The following UNC13C variants were observed in gnomAD, a reference collection of about 807,000 sequenced individuals.
UNC13C encodes unc-13 homolog C.
In UNC13C, 174 loss-of-function variants were observed where a neutral mutation model predicts 245.4. That is an observed-to-expected ratio of 0.71 (90% confidence interval 0.63 to 0.80). The LOEUF (loss-of-function observed/expected upper bound fraction) is 0.80, where lower values mean the gene tolerates loss of function less well. Ranked by LOEUF, UNC13C falls within the 30% of genes least tolerant of loss-of-function variation. The probability of loss-of-function intolerance (pLI) is 0.00; values close to 1 mark genes in which losing one functional copy is unlikely to be tolerated. For missense variants in UNC13C, 2,829 were observed against 2,602.9 expected, an observed-to-expected ratio of 1.09 and a Z score of -1.89; for synonymous variants, 992 against 895.1, an observed-to-expected ratio of 1.11 and a Z score of -1.93.
intron 2 of UNC13C, among the ~76,000 whole-genome samples, chr15:54,092,306 T>C (rs1186315928): frequency 6.6e-6 from 1 of 152,190 alleles, no homozygotes; most frequent in Non-Finnish European, 1.5e-5. Context: ...AATTTTGAGT[T>C]TGTTTTTGGG....
chr15:54,536,643 A>G (rs1303195815), intron 26 of UNC13C, among the ~76,000 whole-genome samples: 1 of 152,056 alleles, frequency 6.6e-6, no homozygotes, highest in Non-Finnish European at 1.5e-5. Flanking sequence ...ATTATCATGT[A>G]GGATTTATTC....
chr15:54,347,949 T>C (rs1035124215), intron 17 of UNC13C, among the ~76,000 whole-genome samples: 1 of 152,032 alleles, frequency 6.6e-6, no homozygotes, highest in Non-Finnish European at 1.5e-5. Context: ...TCTTTATCTC[T>C]ATCAACCTGT....
At chr15:54,106,477 A>G (rs1244476053) in intron 2 of UNC13C, among the ~76,000 whole-genome samples, 1 of 152,230 alleles carries the variant, frequency 6.6e-6, no homozygotes, top group Non-Finnish European at 1.5e-5. Context: ...TTGAGAGGTT[A>G]CACAAAATGA....
chr15:54,510,134 G>A (rs1894668751), intron 23 of UNC13C, among the ~76,000 whole-genome samples: 2 of 152,102 alleles, frequency 1.3e-5, no homozygotes, highest in Admixed American at 6.6e-5. Flanking sequence ...AATCTAAGAA[G>A]AGTCTATCAA....
intron 19 of UNC13C, among the ~76,000 whole-genome samples, chr15:54,436,220 G>A (rs1308505965): frequency 6.6e-6 from 1 of 151,868 alleles, no homozygotes; most frequent in African/African-American, 2.4e-5. Context: ...ATTGTTTCAT[G>A]ACTAAAATAT....
chr15:53,894,277 T>A, the UNC13C span, among the ~76,000 whole-genome samples: 10 of 152,228 alleles, frequency 6.6e-5, no homozygotes, highest in Non-Finnish European at 1.0e-4. Context: ...CTGGAGCTGT[T>A]CCTATTTGGC....
At position 54,484,093 on chromosome 15, in the gene UNC13C, AC is replaced by A. The variant is rs397950490; in HGVS notation, c.4934-10513del. 2.0e-5 allele frequency among the ~76,000 whole-genome samples: 3 copies of A among 148,856 alleles called. No homozygotes were observed. In the South Asian group the frequency reaches 6.5e-4, roughly 32 times the overall value. Reference sequence around the variant, plus strand: ...ACTCTGGCTTCCCTGAAAAAAAAAAACCAGCATCTAGGAAGCTGATGATTAG... The same window carrying A: ...ACTCTGGCTTCCCTGAAAAAAAAAAACAGCATCTAGGAAGCTGATGATTAG... On this transcript the variant is annotated intron_variant, in intron 19 of 32. Transcript: ENST00000260323.
At chr15:54,320,421 T>C (rs78314874) in intron 13 of UNC13C, among the ~76,000 whole-genome samples, 4,983 of 151,142 alleles carry the variant, frequency 0.033, 295 homozygotes, top group African/African-American at 0.12. Flanking sequence ...TTCCGCATCA[T>C]GATCAAACTA....
In UNC13C at chr15:54,046,815, C is replaced by T. The variant is rs180749871; in HGVS notation, c.2983+30929C>T. Reference sequence around the variant, plus strand: ...TTCATAAACTGAGTACAAGTACACTCTTGTACCCAGTATCTGGGTCAAGAG... The same window carrying T: ...TTCATAAACTGAGTACAAGTACACTTTTGTACCCAGTATCTGGGTCAAGAG... On this transcript the variant is annotated intron_variant, in intron 2 of 32. Coordinates refer to ENST00000260323, the MANE Select transcript of UNC13C (RefSeq NM_001080534.3). Among the ~76,000 whole-genome samples the T allele has an allele frequency of 2.3e-3, 355 of 151,936 alleles. 1 individual carries two copies. Among genetic ancestry groups the T allele is most frequent in the Non-Finnish European group, 3.8e-3 (259 of 67,898 alleles).
intron 2 of UNC13C, among the ~76,000 whole-genome samples, chr15:54,072,935 G>C (rs942121382): frequency 6.6e-6 from 1 of 151,798 alleles, no homozygotes; most frequent in Admixed American, 6.6e-5. Context: ...AGAACATGTA[G>C]GTTTGTTACG....
chr15:54,509,519 G>A (rs765551093), intron 23 of UNC13C, among the ~76,000 whole-genome samples: 1 of 151,932 alleles, frequency 6.6e-6, no homozygotes, highest in Admixed American at 6.6e-5. Context: ...TCCTAACTTT[G>A]TTCCAGATTG....
chr15:54,431,096 TA>T (rs2040862813), intron 19 of UNC13C, among the ~76,000 whole-genome samples: 1 of 151,744 alleles, frequency 6.6e-6, no homozygotes, highest in Admixed American at 6.6e-5. Context: ...TCAGAATAAT[TA>T]TTGCTGACGG....
chr15:54,253,630 T>C (rs1198172493), intron 8 of UNC13C, among the ~76,000 whole-genome samples: 2 of 152,202 alleles, frequency 1.3e-5, no homozygotes, highest in East Asian at 3.8e-4. Flanking sequence ...TGAAATAATT[T>C]AATTATAATA....
Position 54,500,797 on chromosome 15 carries a change from T to G in UNC13C, c.5158-38T>G, listed in dbSNP as rs531332496. 4 of 1,598,392 alleles carry G rather than the reference T, an allele frequency of 2.5e-6. No individual in the cohort carries two copies. In the African/African-American group the frequency reaches 4.0e-5, roughly 16 times the overall value. Reference sequence around the variant, plus strand: ...GAAGATTTTTCCATTCCGCCTCTAATGTACTGTTTGGGATGGTTTCACCTC... The same window carrying G: ...GAAGATTTTTCCATTCCGCCTCTAAGGTACTGTTTGGGATGGTTTCACCTC... On this transcript the variant is annotated intron_variant, in intron 21 of 32. Transcript: ENST00000260323.
intron 14 of UNC13C, among the ~76,000 whole-genome samples, chr15:54,325,441 AGG>A (rs1023720086): frequency 1.3e-4 from 20 of 152,024 alleles, no homozygotes; most frequent in African/African-American, 4.3e-4. Flanking sequence ...TTTAAGTTCC[AGG>A]GTACATGTGC....
At chr15:54,578,295 G>A (rs1311307862) in intron 30 of UNC13C, among the ~76,000 whole-genome samples, 2 of 151,914 alleles carry the variant, frequency 1.3e-5, no homozygotes, top group African/African-American at 4.8e-5. Flanking sequence ...TGTACTTCTA[G>A]TGTTTCTTTC....
chr15:54,268,353 A>C (rs890124184), intron 10 of UNC13C, among the ~76,000 whole-genome samples: 2 of 152,112 alleles, frequency 1.3e-5, no homozygotes, highest in Non-Finnish European at 2.9e-5. Context: ...GAAAACATGC[A>C]GTATTTATGA....
the UNC13C span, among the ~76,000 whole-genome samples, chr15:53,852,021 G>A: frequency 6.6e-6 from 1 of 152,218 alleles, no homozygotes; most frequent in Admixed American, 6.5e-5. Context: ...GGGATCCAAA[G>A]AGGGAGCTGT....
the UNC13C span, among the ~76,000 whole-genome samples, chr15:53,884,701 G>A: frequency 6.6e-6 from 1 of 152,018 alleles, no homozygotes; most frequent in African/African-American, 2.4e-5. Context: ...TGAGTGAGTG[G>A]GATTTTCTCA....
Sources: gnomAD v4.1 joint callset for allele counts (sites outside exome capture counted in the v4.1 genomes callset) on GRCh38, gnomAD v4.1.1 for gene constraint, MANE v1.5 for transcripts, NCBI Gene and HGNC (gene_info 2026-07-23, HGNC 2026-07-21) for gene names.